The following KHDRBS2 variants were observed in gnomAD, a reference collection of about 807,000 sequenced individuals.
The protein encoded by KHDRBS2 is KH domain-containing, RNA-binding, signal transduction-associated protein 2.
Under a neutral mutation model 44.3 loss-of-function variants are expected in KHDRBS2, and 26 were observed. That is an observed-to-expected ratio of 0.59 (90% CI 0.43 to 0.81). The LOEUF (loss-of-function observed/expected upper bound fraction) is 0.81, where lower values mean the gene tolerates loss of function less well. Among genes scored for constraint, KHDRBS2 ranks in the 40% least tolerant of loss-of-function variants. The pLI is 0.00. For missense variants in KHDRBS2, 476 were observed against 433.1 expected, an observed-to-expected ratio of 1.10 and a Z score of -0.88; for synonymous variants, 194 against 151.1, an observed-to-expected ratio of 1.28 and a Z score of -2.08.
At chr6:61,672,499 C>T in the KHDRBS2 span, among the ~76,000 whole-genome samples, 1 of 152,098 alleles carries the variant, frequency 6.6e-6, no homozygotes, top group Admixed American at 6.6e-5. Context: ...ACATCCTCTC[C>T]AGCACCTGTA....
At chr6:61,845,603 C>T (rs7741269) in intron 6 of KHDRBS2, among the ~76,000 whole-genome samples, 5,023 of 152,226 alleles carry the variant, frequency 0.033, 272 homozygotes, top group African/African-American at 0.11. Flanking sequence ...CCTCTGCACA[C>T]GGCCCAATGA....
rs562068145 is a variant in KHDRBS2, at chr6:61,964,897, T to C, written c.483+13169A>G. Among the ~76,000 whole-genome samples, 3 of 152,232 alleles carry C rather than the reference T, an allele frequency of 2.0e-5. No individual in the cohort carries two copies. The East Asian group carries it at 5.8e-4, about 30-fold the overall frequency. On this transcript the variant is annotated intron_variant, in intron 4 of 8. Coordinates refer to ENST00000281156, the MANE Select transcript of KHDRBS2 (RefSeq NM_152688.4). Reference sequence around the variant, plus strand: ...AAAAGATACTTTAGTCAAATATCTGTACATTTTGTTCTACACATGGGTAAA... The same window carrying C: ...AAAAGATACTTTAGTCAAATATCTGCACATTTTGTTCTACACATGGGTAAA...
intron 4 of KHDRBS2, among the ~76,000 whole-genome samples, chr6:61,930,567 A>C (rs1562462379): frequency 1.5e-5 from 2 of 130,192 alleles, no homozygotes; most frequent in Admixed American, 8.8e-5. Context: ...AAAAAAAAAA[A>C]GGCTAGTCTA....
chr6:61,866,952 A>G (rs1797888011), intron 6 of KHDRBS2, among the ~76,000 whole-genome samples: 2 of 152,160 alleles, frequency 1.3e-5, no homozygotes, highest in African/African-American at 2.4e-5. Context: ...GCTATTCAAC[A>G]AGTCTCTAGA....
the KHDRBS2 span, among the ~76,000 whole-genome samples, chr6:61,606,472 A>G: frequency 6.6e-6 from 1 of 152,190 alleles, no homozygotes; most frequent in South Asian, 2.1e-4. Flanking sequence ...GAAACAGGAG[A>G]AAAGGCATAA....
At chr6:61,906,705 T>A (rs1805097778) in intron 4 of KHDRBS2, among the ~76,000 whole-genome samples, 1 of 152,190 alleles carries the variant, frequency 6.6e-6, no homozygotes, top group African/African-American at 2.4e-5. Context: ...AGTTTCCATC[T>A]ACGTTGTTGC....
At chr6:61,934,942 A>G (rs1230814460) in intron 4 of KHDRBS2, among the ~76,000 whole-genome samples, 1 of 152,206 alleles carries the variant, frequency 6.6e-6, no homozygotes, top group Admixed American at 6.5e-5. Context: ...GCTACTAAGT[A>G]TGGCTTCTAA....
At chr6:62,122,348 C>CT (rs1396697087) in intron 2 of KHDRBS2, among the ~76,000 whole-genome samples, 1 of 152,136 alleles carries the variant, frequency 6.6e-6, no homozygotes, top group African/African-American at 2.4e-5. Context: ...TTGATAGAAA[C>CT]TGAATGTTTG....
intron 6 of KHDRBS2, among the ~76,000 whole-genome samples, chr6:61,839,364 C>G (rs1793229677): frequency 6.6e-6 from 1 of 151,658 alleles, no homozygotes; most frequent in Non-Finnish European, 1.5e-5. Context: ...AAGGATATGA[C>G]CAGTAGCTAA....
intron 6 of KHDRBS2, among the ~76,000 whole-genome samples, chr6:61,778,090 G>C (rs771672831): frequency 2.6e-4 from 39 of 152,068 alleles, no homozygotes; most frequent in Non-Finnish European, 4.7e-4. Flanking sequence ...GTCCTAGCCA[G>C]AGCAATCAGG....
the KHDRBS2 span, among the ~76,000 whole-genome samples, chr6:61,673,911 T>C: frequency 1.3e-5 from 2 of 150,402 alleles, no homozygotes; most frequent in Admixed American, 6.7e-5. Flanking sequence ...CTTCACAGAA[T>C]TGGAAAAAAC....
intron 8 of KHDRBS2, among the ~76,000 whole-genome samples, chr6:61,685,521 T>C (rs963778654): frequency 6.6e-6 from 1 of 151,890 alleles, no homozygotes; most frequent in African/African-American, 2.4e-5. Context: ...ACAGTATATG[T>C]CAATATTTCT....
intron 6 of KHDRBS2, among the ~76,000 whole-genome samples, chr6:61,760,341 G>A (rs1779094982): frequency 6.6e-6 from 1 of 152,154 alleles, no homozygotes; most frequent in Non-Finnish European, 1.5e-5. Flanking sequence ...TAAAAGAAAA[G>A]CCATTACTGG....
At chr6:62,050,414 C>T (rs1273220451) in intron 2 of KHDRBS2, among the ~76,000 whole-genome samples, 2 of 128,170 alleles carry the variant, frequency 1.6e-5, no homozygotes, top group Non-Finnish European at 3.3e-5. Context: ...GCACATGTAT[C>T]CCAGAACTTA....
intron 6 of KHDRBS2, among the ~76,000 whole-genome samples, chr6:61,754,889 A>G (rs1362538965): frequency 6.6e-6 from 1 of 152,220 alleles, no homozygotes; most frequent in Non-Finnish European, 1.5e-5. Flanking sequence ...TGCAGCCTTC[A>G]GAGTTAGTGG....
chr6:61,589,502 A>T, the KHDRBS2 span, among the ~76,000 whole-genome samples: 2 of 152,220 alleles, frequency 1.3e-5, no homozygotes, highest in Non-Finnish European at 2.9e-5. Context: ...TCTAAGTTCA[A>T]GTAACATTTT....
the KHDRBS2 span, among the ~76,000 whole-genome samples, chr6:61,609,012 ACACT>A: frequency 1.3e-5 from 2 of 152,336 alleles, no homozygotes; most frequent in Admixed American, 1.3e-4. Flanking sequence ...AGGAATCGCC[ACACT>A]GTCTTCCACA....
intron 2 of KHDRBS2, among the ~76,000 whole-genome samples, chr6:62,075,509 C>T (rs1214580921): frequency 6.6e-6 from 1 of 151,910 alleles, no homozygotes; most frequent in Admixed American, 6.6e-5. Context: ...ACTTTAATGG[C>T]TTTAGTTTGA....
chr6:61,725,375 A>G (rs1268292421), intron 7 of KHDRBS2, among the ~76,000 whole-genome samples: 1 of 152,102 alleles, frequency 6.6e-6, no homozygotes, highest in Non-Finnish European at 1.5e-5. Context: ...CTAACATCTC[A>G]ACTAAAAGAA....
Sources: allele counts gnomAD v4.1 joint callset (sites outside exome capture counted in the v4.1 genomes callset), GRCh38; gene constraint gnomAD v4.1.1; transcripts MANE v1.5; gene names NCBI Gene and HGNC (gene_info 2026-07-23, HGNC 2026-07-21).